EYS: variants seen among roughly 807,000 people sequenced by gnomAD.
EYS encodes the protein EGF-like photoreceptor maintenance factor.
EYS carries 250 observed loss-of-function variants against 282.1 expected under a neutral mutation model. That is an observed-to-expected ratio of 0.89 (90% CI 0.80 to 0.98). EYS has a LOEUF of 0.98. Among genes scored for constraint, EYS ranks in the 50% least tolerant of loss-of-function variants. The pLI, the probability that EYS is intolerant of heterozygous loss-of-function variation, is 0.00. For missense variants in EYS, 4,016 were observed against 3,709.0 expected (o/e 1.08, Z -2.15); for synonymous variants, 1,355 against 1,282.9 (o/e 1.06, Z -1.20).
At chr6:65,351,391 TAA>T (rs1764268931) in intron 9 of EYS, among the ~76,000 whole-genome samples, 1 of 151,810 alleles carries the variant, frequency 6.6e-6, no homozygotes, top group African/African-American at 2.4e-5. Flanking sequence ...TGCTTTCTGC[TAA>T]GTTTTCCATG....
At chr6:65,335,218 G>C in intron 10 of EYS, 72 bp from the exon 11 acceptor site, 4 of 1,018,910 alleles carry the variant, frequency 3.9e-6, no homozygotes, top group Non-Finnish European at 6.1e-6. Context: ...TGTGACCTGA[G>C]AGATCATGAT....
At chr6:64,467,481 T>A (rs1324499403) in intron 26 of EYS, among the ~76,000 whole-genome samples, 2 of 152,154 alleles carry the variant, frequency 1.3e-5, no homozygotes, top group Admixed American at 6.5e-5. Context: ...GCAATATTCA[T>A]CAACATGGTA....
intron 35 of EYS, among the ~76,000 whole-genome samples, chr6:63,937,264 C>T (rs1427669827): frequency 7.1e-6 from 1 of 141,760 alleles, no homozygotes; most frequent in African/African-American, 2.6e-5. Context: ...TCAGCAATAT[C>T]AAGCAACACC....
intron 22 of EYS, among the ~76,000 whole-genome samples, chr6:64,729,633 T>C (rs145927931): frequency 3.3e-5 from 5 of 152,352 alleles, no homozygotes; most frequent in Non-Finnish European, 7.3e-5. Flanking sequence ...GGATGCTTAT[T>C]GGCAAGCAGG....
intron 12 of EYS, among the ~76,000 whole-genome samples, chr6:65,226,234 T>A (rs1056124170): frequency 7.2e-5 from 11 of 151,978 alleles, no homozygotes; most frequent in African/African-American, 2.7e-4. Context: ...TAAACAAATT[T>A]TTAAAAATTA....
chr6:64,176,345 A>T (rs66509755), intron 31 of EYS, among the ~76,000 whole-genome samples: 1 of 152,038 alleles, frequency 6.6e-6, no homozygotes, highest in Admixed American at 6.5e-5. Context: ...AAGAAGTAAC[A>T]GGTGGGAGCA....
At chr6:64,494,923 G>T (rs1776844971) in intron 26 of EYS, among the ~76,000 whole-genome samples, 1 of 151,590 alleles carries the variant, frequency 6.6e-6, no homozygotes, top group Non-Finnish European at 1.5e-5. Context: ...ATATCTATAT[G>T]ATAATACAAT....
intron 41 of EYS, among the ~76,000 whole-genome samples, chr6:63,745,829 G>A (rs1401126527): frequency 6.6e-6 from 1 of 152,208 alleles, no homozygotes. Context: ...TTTTACTGAA[G>A]TAATTAAGGT....
intron 12 of EYS, among the ~76,000 whole-genome samples, chr6:65,179,237 C>T (rs906157223): frequency 7.1e-6 from 1 of 141,268 alleles, no homozygotes. Context: ...GAAATAGAGA[C>T]ACAAAAAAAA....
chr6:64,802,692 C>T (rs1764281579), intron 22 of EYS, among the ~76,000 whole-genome samples: 1 of 152,146 alleles, frequency 6.6e-6, no homozygotes, highest in East Asian at 1.9e-4. Context: ...TGTTATTCTC[C>T]ATTAATTAAT....
chr6:65,158,877 T>C (rs1057503926), intron 12 of EYS, among the ~76,000 whole-genome samples: 7 of 150,996 alleles, frequency 4.6e-5, no homozygotes, highest in African/African-American at 1.7e-4. Context: ...TCATTTCTAA[T>C]AGAAACAATT....
rs778920520 is a variant in EYS at position 65,102,540 on chromosome 6, T to G, written c.2024-44813A>C. 3.8e-4 allele frequency among the ~76,000 whole-genome samples: 58 copies of G among 151,250 alleles called. 1 individual carries two copies. The highest frequency in any genetic ancestry group is 2.2e-4 in the Non-Finnish European group (15 of 67,502). On this transcript the variant is annotated intron_variant, in intron 12 of 42. Coordinates refer to ENST00000503581, the MANE Select transcript of EYS (RefSeq NM_001142800.2). ...GGCAAATATTTATACAGAAATTTAA[T>G]TTCCTTTAATTAAATATACTTCAAT...
chr6:65,097,393 G>A (rs1437589402), intron 12 of EYS, among the ~76,000 whole-genome samples: 1 of 105,892 alleles, frequency 9.4e-6, no homozygotes, highest in East Asian at 1.9e-4. Context: ...TATACTGTTG[G>A]TAGGTATGTA....
At chr6:65,356,257 T>A (rs1170420138) in intron 8 of EYS, among the ~76,000 whole-genome samples, 1 of 152,064 alleles carries the variant, frequency 6.6e-6, no homozygotes, top group African/African-American at 2.4e-5. Context: ...CTGTCTAAGG[T>A]ATTTTGTTTT....
chr6:65,362,854 A>G (rs958696947), intron 8 of EYS, among the ~76,000 whole-genome samples: 2 of 152,062 alleles, frequency 1.3e-5, no homozygotes, highest in African/African-American at 4.8e-5. Flanking sequence ...TTATAAATAC[A>G]GTGTCTCTTA....
intron 22 of EYS, among the ~76,000 whole-genome samples, chr6:64,686,767 GTATATA>G (rs556168281): frequency 1.1e-4 from 2 of 17,732 alleles, no homozygotes; most frequent in African/African-American, 2.4e-4. Flanking sequence ...ATATATGTGT[GTATATA>G]TATATATATA....
intron 23 of EYS, among the ~76,000 whole-genome samples, chr6:64,624,553 T>C (rs529373364): frequency 2.0e-5 from 3 of 152,166 alleles, no homozygotes; most frequent in Non-Finnish European, 4.4e-5. Context: ...AGAGTTCCCA[T>C]TTTATGTACG....
At chr6:63,746,195 GTTA>G (rs1769206967) in intron 41 of EYS, among the ~76,000 whole-genome samples, 1 of 152,182 alleles carries the variant, frequency 6.6e-6, no homozygotes, top group Non-Finnish European at 1.5e-5. Flanking sequence ...TGTGGTTTCT[GTTA>G]TTGGTTCTGT....
chr6:64,751,452 ACTC>A (rs1425031793), intron 22 of EYS, among the ~76,000 whole-genome samples: 2 of 151,694 alleles, frequency 1.3e-5, no homozygotes, highest in East Asian at 3.9e-4. Context: ...CTGCCCCCGG[ACTC>A]CTCATTGGAG....
Sources: gnomAD v4.1 joint callset for allele counts (sites outside exome capture counted in the v4.1 genomes callset) on GRCh38, gnomAD v4.1.1 for gene constraint, MANE v1.5 for transcripts, NCBI Gene and HGNC (gene_info 2026-07-23, HGNC 2026-07-21) for gene names.